The following OSTF1 variants were observed in gnomAD, a reference collection of about 807,000 sequenced individuals.
OSTF1 encodes the protein osteoclast stimulating factor 1.
OSTF1 carries 27 observed loss-of-function variants against 37.2 expected under a neutral mutation model. That is an observed-to-expected ratio of 0.73 (90% CI 0.54 to 1.00). The LOEUF is 1.00. Among genes scored for constraint, OSTF1 ranks in the 50% least tolerant of loss-of-function variants. The pLI, the probability that OSTF1 is intolerant of heterozygous loss-of-function variation, is 0.00. For synonymous variants in OSTF1, 82 were observed against 89.2 expected (o/e 0.92, Z 0.46); for missense variants, 232 against 253.8 (o/e 0.91, Z 0.58).
chr9:75,140,690 T>C (rs937897040), intron 8 of OSTF1, 144 bp from the exon 9 acceptor site: 6 of 564,788 alleles, frequency 1.1e-5, no homozygotes, highest in Non-Finnish European at 1.9e-5. Context: ...CATGAGAAAG[T>C]TTATTGTTTT....
In OSTF1 at chr9:75,117,550, T is replaced by C. The variant is rs749343587; in HGVS notation, c.81T>C (p.Thr27=). ...FRALYTFEPR[T]PDELYFEEGD... is the part of the protein sequence containing the mutation. ...CCCTGTATACGTTTGAACCCAGAAC[T>C]GTAAGTGTTCAGTTTTTAACTTCTA... Residue 27 remains threonine, a splice_region_variant and synonymous_variant, in exon 2 of 10, where the codon ACT becomes ACC. Transcript: ENST00000346234. The C allele has an allele frequency of 6.2e-7, 1 of 1,602,556 alleles. No individual in the cohort carries two copies. The highest frequency in any genetic ancestry group is 1.3e-5 in the African/African-American group (1 of 74,736).
At chr9:75,129,673 A>G (rs1825733079) in intron 3 of OSTF1, among the ~76,000 whole-genome samples, 1 of 152,230 alleles carries the variant, frequency 6.6e-6, no homozygotes, top group Non-Finnish European at 1.5e-5. Context: ...CAGGGATACA[A>G]CAGGCAAAAT....
Position 75,092,798 on chromosome 9 carries a change from A to T in OSTF1, c.34+4072A>T, listed in dbSNP as rs374883108. On this transcript the variant is annotated intron_variant, in intron 1 of 9. Coordinates refer to ENST00000346234, the MANE Select transcript of OSTF1 (RefSeq NM_012383.5). Reference sequence around the variant, plus strand: ...TTGAAAAGTCTTGCTGTTGGTTGGCATATGTTTCCAAAAGGCTATACGGTA... The same window carrying T: ...TTGAAAAGTCTTGCTGTTGGTTGGCTTATGTTTCCAAAAGGCTATACGGTA... Among the ~76,000 whole-genome samples, 10 of 152,106 alleles carry T rather than the reference A, an allele frequency of 6.6e-5. No individual in the cohort carries two copies. The East Asian group carries it at 1.5e-3, about 24-fold the overall frequency.
chr9:75,105,720 TTG>T (rs374389475), intron 1 of OSTF1, among the ~76,000 whole-genome samples: 7 of 152,154 alleles, frequency 4.6e-5, no homozygotes, highest in African/African-American at 1.7e-4. Context: ...TGGAAGCAGT[TTG>T]TCCTGAGATG....
rs771565987 is a variant in OSTF1 at position 75,093,060 on chromosome 9, CTTTCTTT to C, written c.34+4338_34+4344del. On this transcript the variant is annotated intron_variant, in intron 1 of 9. Coordinates refer to ENST00000346234, the MANE Select transcript of OSTF1 (RefSeq NM_012383.5). ...TTTCTTTCTCTCTCTCTCTTTCTTTCTTTCTTTTTTTTTTTTTGGAGATGGGATTTTG... is the reference window on the plus strand; with the variant it reads ...TTTCTTTCTCTCTCTCTCTTTCTTTCTTTTTTTTTTGGAGATGGGATTTTG... Among the ~76,000 whole-genome samples the C allele has an allele frequency of 1.2e-4, 16 of 134,962 alleles. No individual in the cohort carries two copies. The East Asian group carries it at 3.3e-3, about 28-fold the overall frequency. 88.5% of individuals were successfully genotyped at this position (134,962 alleles called of 152,430 possible). A position where few individuals can be genotyped will look rare whatever the true frequency, so the allele number is the denominator to read the frequency against.
At chr9:75,096,777 G>C (rs752779418) in intron 1 of OSTF1, among the ~76,000 whole-genome samples, 12 of 152,188 alleles carry the variant, frequency 7.9e-5, no homozygotes, top group Non-Finnish European at 1.5e-4. Context: ...CTCGCTGAGT[G>C]TGGGTTAGAC....
In OSTF1 at chr9:75,133,303, G is replaced by A; in HGVS notation, c.260G>A (p.Ser87Asn). ...LHEAAKRGNL[S>N]WLRECLDNRV... ...TGTAAAATTCTTTCAGGCAACTTGAGCTGGTTGAGAGAGTGTTTGGACAAC... is the reference window on the plus strand; with the variant it reads ...TGTAAAATTCTTTCAGGCAACTTGAACTGGTTGAGAGAGTGTTTGGACAAC... The change falls in exon 6 of 10, where the codon AGC (serine) becomes AAC (asparagine). Residue 87 changes from serine to asparagine, a missense_variant. Coordinates refer to ENST00000346234, the MANE Select transcript of OSTF1 (RefSeq NM_012383.5). 6.2e-7 allele frequency: 1 copy of A among 1,603,212 alleles called. No individual in the cohort carries two copies. The highest frequency in any genetic ancestry group is 1.1e-5 in the South Asian group (1 of 89,864).
chr9:75,098,100 T>A (rs1310964493), intron 1 of OSTF1, among the ~76,000 whole-genome samples: 1 of 152,178 alleles, frequency 6.6e-6, no homozygotes, highest in South Asian at 2.1e-4. Flanking sequence ...TAAATCTGAT[T>A]TGAAATCTTC....
At chr9:75,123,577 T>C (rs943815663) in intron 2 of OSTF1, among the ~76,000 whole-genome samples, 3 of 152,252 alleles carry the variant, frequency 2.0e-5, no homozygotes, top group Non-Finnish European at 1.5e-5. Context: ...TCAGGTATCC[T>C]GCTAGTGGTT....
At chr9:75,121,006 A>G (rs1587458750) in intron 2 of OSTF1, among the ~76,000 whole-genome samples, 1 of 152,176 alleles carries the variant, frequency 6.6e-6, no homozygotes, top group African/African-American at 2.4e-5. Context: ...AGTCCTGCTC[A>G]TAGACACAGC....
intron 1 of OSTF1, among the ~76,000 whole-genome samples, chr9:75,099,996 G>A (rs1485612841): frequency 2.0e-5 from 3 of 152,206 alleles, no homozygotes; most frequent in Non-Finnish European, 2.9e-5. Context: ...TAGTGCTCAA[G>A]TGTTAGTTTT....
chr9:75,109,026 T>TG (rs1825338880), intron 1 of OSTF1, among the ~76,000 whole-genome samples: 1 of 149,588 alleles, frequency 6.7e-6, no homozygotes, highest in Non-Finnish European at 1.5e-5. Flanking sequence ...GTTTATTCTT[T>TG]TTTTTTTTTT....
At chr9:75,121,945 C>A (rs78009975) in intron 2 of OSTF1, among the ~76,000 whole-genome samples, 5,703 of 152,268 alleles carry the variant, frequency 0.037, 149 homozygotes, top group African/African-American at 0.069. Flanking sequence ...CAATGCGCAA[C>A]CCCAGTCTTG....
intron 2 of OSTF1, among the ~76,000 whole-genome samples, chr9:75,122,113 G>A (rs10869507): frequency 0.41 from 61,637 of 152,028 alleles, 13,200 homozygotes; most frequent in African/African-American, 0.53. Flanking sequence ...TGTCAACCAC[G>A]GACCTGGCTG....
At chr9:75,108,590 G>A (rs1482596565) in intron 1 of OSTF1, among the ~76,000 whole-genome samples, 1 of 152,164 alleles carries the variant, frequency 6.6e-6, no homozygotes, top group African/African-American at 2.4e-5. Flanking sequence ...CATAGATTGA[G>A]AATTAATGTT....
chr9:75,114,912 A>G (rs1428048258), intron 1 of OSTF1, among the ~76,000 whole-genome samples: 1 of 152,180 alleles, frequency 6.6e-6, no homozygotes, highest in Non-Finnish European at 1.5e-5. Flanking sequence ...CATTCATTCC[A>G]TAAATAATTA....
At chr9:75,090,293 A>G (rs542428398) in intron 1 of OSTF1, among the ~76,000 whole-genome samples, 4 of 105,970 alleles carry the variant, frequency 3.8e-5, no homozygotes, top group Non-Finnish European at 5.9e-5. Flanking sequence ...GGACATTGAC[A>G]GGTGTGTGTG....
At position 75,127,551 on chromosome 9, in the gene OSTF1, C is replaced by CTT; in HGVS notation, c.82-9_82-8dup. On this transcript the variant is annotated splice_polypyrimidine_tract_variant and intron_variant, in intron 2 of 9. Coordinates refer to ENST00000346234, the MANE Select transcript of OSTF1 (RefSeq NM_012383.5). ...TCATGAAAAATCACATGGAGTCAAA[C>CTT]TTTTTTTTTTCTTCTAGCCAGATGA... 1.6e-5 allele frequency: 22 copies of CTT among 1,398,534 alleles called. No individual in the cohort carries two copies. Among genetic ancestry groups the CTT allele is most frequent in the Admixed American group, 4.3e-5 (2 of 46,508 alleles). The allele number at this position is 1,398,534 out of a possible 1,614,324, so 86.6% of individuals were successfully genotyped here.
chr9:75,112,952 A>G (rs757116666), intron 1 of OSTF1, among the ~76,000 whole-genome samples: 1 of 152,178 alleles, frequency 6.6e-6, no homozygotes, highest in South Asian at 2.1e-4. Context: ...TAGTCAGCAG[A>G]AAATACTGTA....
Sources: allele counts gnomAD v4.1 joint callset (sites outside exome capture counted in the v4.1 genomes callset), GRCh38; gene constraint gnomAD v4.1.1; transcripts MANE v1.5; gene names NCBI Gene and HGNC (gene_info 2026-07-23, HGNC 2026-07-21).